ARHGAP31: variants seen among roughly 807,000 people sequenced by gnomAD.
ARHGAP31 encodes Rho GTPase activating protein 31, also known as rho GTPase-activating protein 31.
In ARHGAP31, 34 loss-of-function variants were observed where a neutral mutation model predicts 113.9. That is an observed-to-expected ratio of 0.30 (90% CI 0.23 to 0.40). ARHGAP31 has a LOEUF of 0.40. Ranked by LOEUF, ARHGAP31 falls within the 10% of genes least tolerant of loss-of-function variation. The probability of loss-of-function intolerance (pLI) is 1.00; values close to 1 mark genes in which losing one functional copy is unlikely to be tolerated. For missense variants in ARHGAP31, 1,548 were observed against 1,767.1 expected, an observed-to-expected ratio of 0.88 and a Z score of 2.22; for synonymous variants, 650 against 684.8, an observed-to-expected ratio of 0.95 and a Z score of 0.79.
At chr3:119,378,258 T>C (rs562078569) in intron 3 of ARHGAP31, among the ~76,000 whole-genome samples, 29 of 152,272 alleles carry the variant, frequency 1.9e-4, no homozygotes, top group African/African-American at 7.0e-4. Flanking sequence ...GTGGTCCTAA[T>C]GGGACAACAT....
chr3:119,411,082 A>T (rs1039990041), intron 11 of ARHGAP31, among the ~76,000 whole-genome samples: 6 of 152,226 alleles, frequency 3.9e-5, no homozygotes, highest in African/African-American at 7.2e-5. Context: ...AATCCAAGGT[A>T]GAAAAGAGCA....
intron 8 of ARHGAP31, among the ~76,000 whole-genome samples, chr3:119,395,372 G>A (rs1437770941): frequency 2.0e-5 from 3 of 152,192 alleles, no homozygotes; most frequent in Non-Finnish European, 2.9e-5. Flanking sequence ...TGAACACCCT[G>A]ATAGAGGGAA....
chr3:119,386,263 T>TA (rs149036694), intron 6 of ARHGAP31, among the ~76,000 whole-genome samples: 10,481 of 152,034 alleles, frequency 0.069, 448 homozygotes, highest in Admixed American at 0.15. Flanking sequence ...TGGGCTGCTA[T>TA]AAAAAAAATA....
intron 3 of ARHGAP31, among the ~76,000 whole-genome samples, chr3:119,380,404 TATTCATTC>T (rs10576434): frequency 1.1e-4 from 17 of 150,790 alleles, no homozygotes; most frequent in Admixed American, 4.0e-4. Flanking sequence ...TTTATTTATG[TATTCATTC>T]ATTCATTCAT....
intron 1 of ARHGAP31, among the ~76,000 whole-genome samples, chr3:119,299,279 C>T (rs2079560279): frequency 6.6e-6 from 1 of 152,134 alleles, no homozygotes; most frequent in Admixed American, 6.5e-5. Flanking sequence ...GACCATTTTC[C>T]CCTGGATAAG....
chr3:119,320,206 A>T (rs889182500), intron 1 of ARHGAP31, among the ~76,000 whole-genome samples: 1 of 152,214 alleles, frequency 6.6e-6, no homozygotes, highest in Admixed American at 6.5e-5. Flanking sequence ...CACAAGACTG[A>T]ACAGTTCTCA....
chr3:119,333,232 C>T (rs2079912463), intron 1 of ARHGAP31, among the ~76,000 whole-genome samples: 1 of 152,182 alleles, frequency 6.6e-6, no homozygotes, highest in East Asian at 1.9e-4. Flanking sequence ...CAAAAAGGGA[C>T]TCTGAATTTT....
chr3:119,379,812 T>C lies in ARHGAP31; in HGVS notation c.349-1092T>C, dbSNP rs1463203570. Among the ~76,000 whole-genome samples the C allele has an allele frequency of 2.6e-5, 4 of 152,270 alleles. No homozygotes were observed. In the East Asian group the frequency reaches 7.7e-4, roughly 29 times the overall value. ...TTAAGATCTGCACATTTTTAATATA[T>C]GTAAATTATATCTCAGTGAAAAAGG... is the stretch of plus-strand genomic sequence containing the variant. On this transcript the variant is annotated intron_variant, in intron 3 of 11. Transcript: ENST00000264245.
intron 7 of ARHGAP31, 117 bp from the exon 8 acceptor site, chr3:119,393,349 CT>C: frequency 7.4e-7 from 1 of 1,350,484 alleles, no homozygotes; most frequent in Non-Finnish European, 1.1e-6. Context: ...AGGGGAATTT[CT>C]TGAAATATCA....
chr3:119,375,198 A>G (rs1400816792), intron 3 of ARHGAP31, among the ~76,000 whole-genome samples: 1 of 152,208 alleles, frequency 6.6e-6, no homozygotes, highest in Non-Finnish European at 1.5e-5. Flanking sequence ...ACAGAAACCT[A>G]TTGCCTCACA....
At chr3:119,394,532 C>A (rs1389663378) in intron 8 of ARHGAP31, among the ~76,000 whole-genome samples, 1 of 151,938 alleles carries the variant, frequency 6.6e-6, no homozygotes, top group Non-Finnish European at 1.5e-5. Context: ...TCATAATGAT[C>A]TTTAGTGTTA....
chr3:119,305,284 A>G (rs776466896), intron 1 of ARHGAP31, among the ~76,000 whole-genome samples: 1 of 152,194 alleles, frequency 6.6e-6, no homozygotes, highest in African/African-American at 2.4e-5. Flanking sequence ...GTTCAGTAGG[A>G]TTTAGTTAGA....
At chr3:119,378,344 G>C (rs1438657574) in intron 3 of ARHGAP31, among the ~76,000 whole-genome samples, 3 of 152,178 alleles carry the variant, frequency 2.0e-5, no homozygotes, top group Admixed American at 6.5e-5. Flanking sequence ...CTTCTGGAGA[G>C]GGTTGGGGTA....
chr3:119,344,980 T>C (rs2080042802), intron 1 of ARHGAP31, among the ~76,000 whole-genome samples: 1 of 151,272 alleles, frequency 6.6e-6, no homozygotes, highest in African/African-American at 2.4e-5. Flanking sequence ...TGGGATTTTT[T>C]TTTTCTTTTT....
chr3:119,353,787 C>CAAAA (rs5852199), intron 1 of ARHGAP31, among the ~76,000 whole-genome samples: 1 of 88,248 alleles, frequency 1.1e-5, no homozygotes, highest in African/African-American at 4.3e-5. Flanking sequence ...GACTCCATCT[C>CAAAA]AAAAAAAAAA....
chr3:119,372,993 C>G (rs890463141), intron 3 of ARHGAP31, among the ~76,000 whole-genome samples: 1 of 152,126 alleles, frequency 6.6e-6, no homozygotes, highest in Non-Finnish European at 1.5e-5. Context: ...TAGGAAAATT[C>G]GCTATCTATT....
chr3:119,319,495 T>C (rs1343410562), intron 1 of ARHGAP31, among the ~76,000 whole-genome samples: 2 of 152,192 alleles, frequency 1.3e-5, no homozygotes, highest in Non-Finnish European at 2.9e-5. Context: ...AACATTTCAC[T>C]GCATTCCATA....
intron 1 of ARHGAP31, among the ~76,000 whole-genome samples, chr3:119,317,120 C>G (rs2079739111): frequency 6.6e-6 from 1 of 152,082 alleles, no homozygotes; most frequent in African/African-American, 2.4e-5. Context: ...AAATGCTCAG[C>G]ACTAATATGT....
In ARHGAP31 at chr3:119,366,958, C is replaced by T. The variant is rs139948087; in HGVS notation, c.204-1414C>T. 8.4e-3 allele frequency among the ~76,000 whole-genome samples: 1,274 copies of T among 151,954 alleles called. 39 individuals are homozygous for T. In the East Asian group the frequency reaches 0.11, roughly 13 times the overall value. Reference sequence around the variant, plus strand: ...CTCTACTAAAAATACAAAAATTAGCCGGGTGTGGTGATGGGTGCCTGTAAT... The same window carrying T: ...CTCTACTAAAAATACAAAAATTAGCTGGGTGTGGTGATGGGTGCCTGTAAT... On this transcript the variant is annotated intron_variant, in intron 2 of 11. Transcript: ENST00000264245.
Sources: allele counts gnomAD v4.1 joint callset (sites outside exome capture counted in the v4.1 genomes callset), GRCh38; gene constraint gnomAD v4.1.1; transcripts MANE v1.5; gene names NCBI Gene and HGNC (gene_info 2026-07-23, HGNC 2026-07-21).